The following HOMER2 variants were observed in gnomAD, a reference collection of about 807,000 sequenced individuals.
The protein encoded by HOMER2 is homer protein homolog 2.
In HOMER2, 27 loss-of-function variants were observed where a neutral mutation model predicts 47.0. That is an observed-to-expected ratio of 0.57 (90% CI 0.42 to 0.79). HOMER2 has a LOEUF of 0.79. HOMER2 is among the 30% of genes least tolerant of loss of function. HOMER2 has a pLI of 0.00. For synonymous variants in HOMER2, 161 were observed against 163.8 expected (o/e 0.98, Z 0.13); for missense variants, 443 against 435.0 (o/e 1.02, Z -0.16).
intron 1 of HOMER2, among the ~76,000 whole-genome samples, chr15:82,949,448 T>C (rs1198817897): frequency 6.6e-6 from 1 of 151,948 alleles, no homozygotes; most frequent in East Asian, 1.9e-4. Context: ...AGTGGTCATT[T>C]GTTAGGAATG....
At chr15:82,937,563 C>T (rs2054169386) in intron 1 of HOMER2, among the ~76,000 whole-genome samples, 1 of 152,070 alleles carries the variant, frequency 6.6e-6, no homozygotes, top group African/African-American at 2.4e-5. Context: ...CAAGAAAATC[C>T]ACTTCTCACA....
intron 8 of HOMER2, 124 bp from the exon 9 acceptor site, chr15:82,850,027 C>T: frequency 1.1e-6 from 1 of 921,142 alleles, no homozygotes; most frequent in Non-Finnish European, 1.6e-6. Flanking sequence ...GCTTAAGCTG[C>T]CTAGAGACAT....
chr15:82,872,676 C>A (rs182259261), intron 3 of HOMER2, among the ~76,000 whole-genome samples: 4 of 152,320 alleles, frequency 2.6e-5, no homozygotes, highest in African/African-American at 9.6e-5. Context: ...CCCTCACACA[C>A]CTCACAGTGC....
At chr15:82,923,109 T>C (rs571931927) in intron 1 of HOMER2, among the ~76,000 whole-genome samples, 56 of 152,296 alleles carry the variant, frequency 3.7e-4, no homozygotes, top group Middle Eastern at 3.4e-3. Context: ...TAGCTAGAGA[T>C]GTGTTCCCCC....
chr15:82,926,155 A>G (rs1454908656), intron 1 of HOMER2: 2 of 152,258 alleles, frequency 1.3e-5, no homozygotes, highest in African/African-American at 4.8e-5. Context: ...GGCTGCTATC[A>G]CAAAATACGA....
Position 82,864,369 on chromosome 15 carries a change from A to C in HOMER2, c.295-110T>G, listed in dbSNP as rs1268550557. The C allele has an allele frequency of 4.6e-6, 3 of 648,860 alleles. No homozygotes were observed. In the African/African-American group the frequency reaches 5.5e-5, roughly 12 times the overall value. The allele number at this position is 648,860 out of a possible 1,614,324, so 40.2% of individuals were successfully genotyped here. A position where few individuals can be genotyped will look rare whatever the true frequency, so the allele number is the denominator to read the frequency against. ...CATTTTAGGCCCATACATTCTGTAT[A>C]AATCCAGAAGAATTTTATTTGCTAT... On this transcript the variant is annotated intron_variant, in intron 3 of 8. Coordinates refer to ENST00000450735, the MANE Select transcript of HOMER2 (RefSeq NM_004839.4).
At chr15:82,978,732 A>AT (rs1250971920) in intron 1 of HOMER2, among the ~76,000 whole-genome samples, 1 of 151,604 alleles carries the variant, frequency 6.6e-6, no homozygotes, top group Non-Finnish European at 1.5e-5. Flanking sequence ...ACAGTTTTTT[A>AT]TTTTTTTGAG....
intron 1 of HOMER2, among the ~76,000 whole-genome samples, chr15:82,917,096 G>A (rs574141423): frequency 7.9e-4 from 120 of 152,268 alleles, no homozygotes; most frequent in Non-Finnish European, 1.5e-3. Context: ...CACCGTGCCC[G>A]GCCCAGAGCC....
intron 1 of HOMER2, among the ~76,000 whole-genome samples, chr15:82,945,220 T>TAAA (rs35180005): frequency 8.3e-6 from 1 of 120,414 alleles, no homozygotes; most frequent in Non-Finnish European, 1.8e-5. Flanking sequence ...TAAAATGTCT[T>TAAA]AAAAAAAAAA....
chr15:82,857,555 T>G (rs2051629846), intron 5 of HOMER2, among the ~76,000 whole-genome samples: 3 of 150,722 alleles, frequency 2.0e-5, no homozygotes, highest in Non-Finnish European at 4.4e-5. Context: ...CTCAGCCTCC[T>G]GAGTAGCTGG....
intron 1 of HOMER2, among the ~76,000 whole-genome samples, chr15:82,971,463 G>A (rs1486895148): frequency 1.3e-5 from 2 of 152,050 alleles, no homozygotes; most frequent in Non-Finnish European, 2.9e-5. Context: ...AACAGAAGCT[G>A]TTGAGGAGGC....
At chr15:82,859,559 C>T (rs1274461825) in intron 4 of HOMER2, among the ~76,000 whole-genome samples, 5 of 152,006 alleles carry the variant, frequency 3.3e-5, no homozygotes, top group African/African-American at 1.2e-4. Context: ...CTCTTAGAAA[C>T]AAGGAATGAA....
At chr15:82,906,742 C>G (rs72755921) in intron 1 of HOMER2, among the ~76,000 whole-genome samples, 4 of 152,022 alleles carry the variant, frequency 2.6e-5, no homozygotes, top group Non-Finnish European at 4.4e-5. Flanking sequence ...CCACAAGAAA[C>G]CCACTTTAAA....
At chr15:82,882,176 C>T (rs1469345339) in intron 2 of HOMER2, among the ~76,000 whole-genome samples, 1 of 152,196 alleles carries the variant, frequency 6.6e-6, no homozygotes, top group Non-Finnish European at 1.5e-5. Context: ...CATGTGGCTC[C>T]CATCTGTCCA....
chr15:82,860,748 C>A (rs1235797526), intron 4 of HOMER2, among the ~76,000 whole-genome samples: 1 of 151,794 alleles, frequency 6.6e-6, no homozygotes, highest in East Asian at 1.9e-4. Flanking sequence ...ACCTGCCTGG[C>A]CAATATGGTG....
upstream of HOMER2, among the ~76,000 whole-genome samples, chr15:82,955,512 T>G (rs957192977): frequency 6.6e-6 from 1 of 152,240 alleles, no homozygotes. Flanking sequence ...ACCATGTACA[T>G]GCATAATGTT....
At chr15:82,921,431 C>T (rs2053726355) in intron 1 of HOMER2, among the ~76,000 whole-genome samples, 1 of 152,190 alleles carries the variant, frequency 6.6e-6, no homozygotes, top group Admixed American at 6.5e-5. Context: ...ACACTTTCCC[C>T]CTTTCCCCAC....
intron 1 of HOMER2, among the ~76,000 whole-genome samples, chr15:82,900,574 A>G (rs2053083045): frequency 6.6e-6 from 1 of 152,244 alleles, no homozygotes; most frequent in East Asian, 1.9e-4. Flanking sequence ...ATTATTATAA[A>G]GTTATAGCAA....
At chr15:82,970,392 C>T (rs2029944535) in intron 1 of HOMER2, among the ~76,000 whole-genome samples, 1 of 152,306 alleles carries the variant, frequency 6.6e-6, no homozygotes, top group East Asian at 1.9e-4. Context: ...CACTTCCTTC[C>T]AAACAATGTA....
Sources: gnomAD v4.1 joint callset for allele counts (sites outside exome capture counted in the v4.1 genomes callset) on GRCh38, gnomAD v4.1.1 for gene constraint, MANE v1.5 for transcripts, NCBI Gene and HGNC (gene_info 2026-07-23, HGNC 2026-07-21) for gene names.